The following CPS1 variants were observed in gnomAD, a reference collection of about 807,000 sequenced individuals.
CPS1 encodes carbamoyl-phosphate synthase 1.
CPS1 carries 109 observed loss-of-function variants against 174.6 expected under a neutral mutation model. The ratio of observed to expected loss-of-function variants is 0.62; its 90% CI spans 0.53 to 0.73. CPS1 has a LOEUF of 0.73. CPS1 is among the 30% of genes least tolerant of loss of function. CPS1 has a pLI of 0.00. For missense variants in CPS1, 1,689 were observed against 1,821.9 expected (o/e 0.93, Z 1.33); for synonymous variants, 637 against 632.0 (o/e 1.01, Z -0.12).
At chr2:210,673,418 A>T (rs1701385457) in intron 34 of CPS1, 1 of 152,268 alleles carries the variant, frequency 6.6e-6, no homozygotes, top group African/African-American at 2.4e-5. Context: ...ATGGTCAGGA[A>T]TCCAGGGAAG....
intron 1 of CPS1, among the ~76,000 whole-genome samples, chr2:210,488,018 T>A (rs1685082401): frequency 6.6e-6 from 1 of 152,196 alleles, no homozygotes; most frequent in Non-Finnish European, 1.5e-5. Context: ...CCTCTCTCAG[T>A]ACAACTTACA....
rs530339473 is a variant in CPS1, at chr2:210,654,995, T to C, written c.3558+893T>C. 5.9e-5 allele frequency among the ~76,000 whole-genome samples: 9 copies of C among 152,340 alleles called. No individual in the cohort carries two copies. The East Asian group carries it at 1.5e-3, about 26-fold the overall frequency. On this transcript the variant is annotated intron_variant, in intron 29 of 37. Transcript: ENST00000233072. ...TCAGATATTTTCTTTACAGCATCCC[T>C]GGAAGGTGGTCATCTGTTTTCTTTT...
At chr2:210,511,439 G>A (rs970592782) in intron 1 of CPS1, among the ~76,000 whole-genome samples, 8 of 151,998 alleles carry the variant, frequency 5.3e-5, no homozygotes, top group African/African-American at 1.4e-4. Context: ...GCTAAATGAC[G>A]AGTTAATGGG....
intron 21 of CPS1, among the ~76,000 whole-genome samples, chr2:210,627,595 G>A (rs971572088): frequency 2.6e-5 from 4 of 152,084 alleles, no homozygotes; most frequent in South Asian, 4.1e-4. Context: ...CATGCACTTC[G>A]TATCCAAAGA....
intron 1 of CPS1, among the ~76,000 whole-genome samples, chr2:210,482,412 C>G (rs1694595083): frequency 6.6e-6 from 1 of 151,824 alleles, no homozygotes; most frequent in African/African-American, 2.4e-5. Flanking sequence ...CAGCAATTCT[C>G]CCACCGCAGC....
chr2:210,597,655 C>T (rs895978812), intron 13 of CPS1, among the ~76,000 whole-genome samples: 4 of 151,690 alleles, frequency 2.6e-5, no homozygotes, highest in Non-Finnish European at 5.9e-5. Context: ...AATTGACATG[C>T]TAATGTATGA....
intron 1 of CPS1, among the ~76,000 whole-genome samples, chr2:210,509,273 C>A (rs1347039095): frequency 6.6e-6 from 1 of 152,180 alleles, no homozygotes; most frequent in African/African-American, 2.4e-5. Context: ...GAACCAATGA[C>A]AAAAACCACA....
chr2:210,554,282 C>T (rs997507887), upstream of CPS1, among the ~76,000 whole-genome samples: 6 of 145,586 alleles, frequency 4.1e-5, no homozygotes, highest in African/African-American at 1.0e-4. Context: ...TATATATATA[C>T]ACACACACAC....
chr2:210,656,687 C>T, intron 30 of CPS1, 55 bp downstream of exon 30: 1 of 1,288,550 alleles, frequency 7.8e-7, no homozygotes, highest in Non-Finnish European at 1.1e-6. Flanking sequence ...GAAAAAAACA[C>T]CTAAGGTTTT....
Position 210,675,814 on chromosome 2 carries a change from G to A in CPS1, c.4248G>A (p.Gln1416=), listed in dbSNP as rs912990562. ...TPVAWPSQEG[Q]NPSLSSIRKL... is the part of the protein sequence containing the mutation. ...TGGCATGGCCGTCTCAAGAAGGACA[G>A]AATCCCAGCCTCTCTTCCATCAGAA... Residue 1416 remains glutamine (Q), a synonymous_variant, in exon 36 of 38, where the codon CAG becomes CAA. Transcript: ENST00000233072. The A allele has an allele frequency of 6.4e-7, 1 of 1,571,566 alleles. No individual in the cohort carries two copies. Among genetic ancestry groups the A allele is most frequent in the Non-Finnish European group, 8.8e-7 (1 of 1,141,088 alleles).
intron 1 of CPS1, among the ~76,000 whole-genome samples, chr2:210,528,026 G>T (rs1696020454): frequency 6.6e-6 from 1 of 151,926 alleles, no homozygotes; most frequent in South Asian, 2.1e-4. Flanking sequence ...GAGGTTCGCA[G>T]TAACCGAATA....
intron 1 of CPS1, among the ~76,000 whole-genome samples, chr2:210,503,182 A>G (rs1695192723): frequency 6.6e-6 from 1 of 152,186 alleles, no homozygotes; most frequent in Non-Finnish European, 1.5e-5. Flanking sequence ...GTTATGTCAC[A>G]TGCTGCCACT....
intron 1 of CPS1, among the ~76,000 whole-genome samples, chr2:210,538,975 T>C (rs563973959): frequency 6.6e-6 from 1 of 152,264 alleles, no homozygotes; most frequent in South Asian, 2.1e-4. Context: ...CAGGTAAAAA[T>C]TGTAGTACTG....
At chr2:210,591,992 T>C (rs755391573) in intron 10 of CPS1, 23 bp downstream of exon 10, 1 of 1,607,136 alleles carries the variant, frequency 6.2e-7, no homozygotes, top group South Asian at 1.1e-5. Flanking sequence ...AATAAACCTG[T>C]TCAGTTGGTG....
chr2:210,571,437 T>G (rs1697480213), intron 1 of CPS1, among the ~76,000 whole-genome samples: 1 of 151,878 alleles, frequency 6.6e-6, no homozygotes, highest in African/African-American at 2.4e-5. Context: ...AATACAAACT[T>G]GAAATTCACA....
chr2:210,537,802 C>T (rs1006974323), intron 1 of CPS1, among the ~76,000 whole-genome samples: 8 of 151,886 alleles, frequency 5.3e-5, no homozygotes, highest in Admixed American at 5.2e-4. Flanking sequence ...ATTTGTTATC[C>T]TACAAGACAT....
chr2:210,493,300 A>G (rs1346672477), intron 1 of CPS1, among the ~76,000 whole-genome samples: 1 of 152,194 alleles, frequency 6.6e-6, no homozygotes, highest in Non-Finnish European at 1.5e-5. Flanking sequence ...TGATGAGTTC[A>G]TTGGACGAGA....
chr2:210,520,823 C>G (rs1335382165), intron 1 of CPS1, among the ~76,000 whole-genome samples: 2 of 151,922 alleles, frequency 1.3e-5, no homozygotes, highest in Non-Finnish European at 2.9e-5. Context: ...TATGAATGTA[C>G]TACAATGTTT....
At chr2:210,519,268 A>G (rs1243660795) in intron 1 of CPS1, among the ~76,000 whole-genome samples, 1 of 152,038 alleles carries the variant, frequency 6.6e-6, no homozygotes, top group Non-Finnish European at 1.5e-5. Context: ...TTCTGAAACT[A>G]CAGATAAGTT....
Sources: gnomAD v4.1 joint callset for allele counts (sites outside exome capture counted in the v4.1 genomes callset) on GRCh38, gnomAD v4.1.1 for gene constraint, MANE v1.5 for transcripts, NCBI Gene and HGNC (gene_info 2026-07-23, HGNC 2026-07-21) for gene names.